The following PDE3A variants were observed in gnomAD, a reference collection of about 807,000 sequenced individuals.
PDE3A encodes the protein cGMP-inhibited 3',5'-cyclic phosphodiesterase 3A.
PDE3A carries 43 observed loss-of-function variants against 98.3 expected under a neutral mutation model. The observed-to-expected ratio is 0.44, with a 90% CI of 0.34 to 0.56. The LOEUF is 0.56. PDE3A is among the 20% of genes least tolerant of loss of function. PDE3A has a pLI of 0.01. For synonymous variants in PDE3A, 663 were observed against 567.9 expected, an observed-to-expected ratio of 1.17 and a Z score of -2.38; for missense variants, 1,427 against 1,440.7, an observed-to-expected ratio of 0.99 and a Z score of 0.15.
chr12:20,392,854 T>C (rs1006203373), intron 1 of PDE3A, among the ~76,000 whole-genome samples: 2 of 152,050 alleles, frequency 1.3e-5, no homozygotes, highest in African/African-American at 4.8e-5. Flanking sequence ...GAGGTCATTA[T>C]GTTAGGGAAA....
intron 5 of PDE3A, among the ~76,000 whole-genome samples, chr12:20,626,522 T>G (rs2121496942): frequency 6.6e-6 from 1 of 152,214 alleles, no homozygotes; most frequent in South Asian, 2.1e-4. Flanking sequence ...GTGAGATGGA[T>G]TCTTGCTCTG....
At chr12:20,487,501 TAAAAAAA>T (rs34671800) in intron 1 of PDE3A, among the ~76,000 whole-genome samples, 640 of 61,998 alleles carry the variant, frequency 0.01, 4 homozygotes, top group African/African-American at 0.039. Flanking sequence ...CTGTCTCTAC[TAAAAAAA>T]AAAAAAAAAA....
chr12:20,648,667 T>C (rs1335757065), intron 12 of PDE3A, 21 bp from the exon 13 acceptor site: 1 of 1,505,242 alleles, frequency 6.6e-7, no homozygotes, highest in African/African-American at 1.4e-5. Context: ...AGTTGAACTC[T>C]TAACTGTCTT....
chr12:20,377,384 AT>A (rs1943591223), intron 1 of PDE3A, among the ~76,000 whole-genome samples: 1 of 151,848 alleles, frequency 6.6e-6, no homozygotes, highest in African/African-American at 2.4e-5. Flanking sequence ...TGTAAAAAAA[AT>A]GAAATATTTT....
chr12:20,492,313 T>G (rs1310978174), intron 1 of PDE3A, among the ~76,000 whole-genome samples: 2 of 152,064 alleles, frequency 1.3e-5, no homozygotes, highest in African/African-American at 4.8e-5. Context: ...AAATGACACA[T>G]AGACCAGCAT....
chr12:20,548,755 T>G (rs1290685483), intron 1 of PDE3A, among the ~76,000 whole-genome samples: 2 of 152,144 alleles, frequency 1.3e-5, no homozygotes, highest in East Asian at 1.9e-4. Flanking sequence ...CCTCATTGTC[T>G]GTGGCCCATT....
At chr12:20,372,817 G>T (rs550014229) in intron 1 of PDE3A, among the ~76,000 whole-genome samples, 3 of 152,098 alleles carry the variant, frequency 2.0e-5, no homozygotes, top group South Asian at 2.1e-4. Context: ...GAACTTAAAC[G>T]CACAGTCTGT....
At chr12:20,506,306 T>G (rs1300663456) in intron 1 of PDE3A, among the ~76,000 whole-genome samples, 1 of 152,056 alleles carries the variant, frequency 6.6e-6, no homozygotes, top group Non-Finnish European at 1.5e-5. Context: ...AAAACAGGTG[T>G]TTTATATGTT....
chr12:20,478,866 A>AT (rs1173226830), intron 1 of PDE3A, among the ~76,000 whole-genome samples: 1 of 152,018 alleles, frequency 6.6e-6, no homozygotes, highest in African/African-American at 2.4e-5. Context: ...ATTTTGGCAC[A>AT]TTTTTTTGCC....
At chr12:20,668,848 A>T (rs1360214748) in intron 15 of PDE3A, among the ~76,000 whole-genome samples, 1 of 151,710 alleles carries the variant, frequency 6.6e-6, no homozygotes, top group Non-Finnish European at 1.5e-5. Context: ...AGCTAGATGG[A>T]GAATGACTTT....
At chr12:20,666,180 G>A (rs965915215) in intron 15 of PDE3A, among the ~76,000 whole-genome samples, 5 of 151,860 alleles carry the variant, frequency 3.3e-5, no homozygotes, top group African/African-American at 1.2e-4. Context: ...GGCCAGGCTG[G>A]TCTTAAACTC....
intron 2 of PDE3A, among the ~76,000 whole-genome samples, chr12:20,589,079 C>T (rs528568481): frequency 6.6e-6 from 1 of 151,864 alleles, no homozygotes; most frequent in Admixed American, 6.6e-5. Flanking sequence ...CCTGCCACCA[C>T]GCCCGGATAA....
chr12:20,477,034 G>C (rs368968429), intron 1 of PDE3A, among the ~76,000 whole-genome samples: 1 of 152,086 alleles, frequency 6.6e-6, no homozygotes, highest in Non-Finnish European at 1.5e-5. Context: ...CTATTTCGTG[G>C]TTTAGTATAG....
At chr12:20,459,482 T>C (rs1057355948) in intron 1 of PDE3A, among the ~76,000 whole-genome samples, 5 of 152,310 alleles carry the variant, frequency 3.3e-5, no homozygotes, top group Admixed American at 2.0e-4. Flanking sequence ...TTTTTGAGGT[T>C]ATTAGCATAA....
intron 1 of PDE3A, among the ~76,000 whole-genome samples, chr12:20,490,870 G>A (rs1269889003): frequency 6.6e-6 from 1 of 151,998 alleles, no homozygotes; most frequent in Non-Finnish European, 1.5e-5. Flanking sequence ...CAGTTATTTG[G>A]GAGGCCCAGG....
intron 1 of PDE3A, among the ~76,000 whole-genome samples, chr12:20,519,362 T>A (rs1307941157): frequency 6.6e-6 from 1 of 152,198 alleles, no homozygotes; most frequent in Non-Finnish European, 1.5e-5. Flanking sequence ...CAATGTCATA[T>A]TCACTTTTAT....
In PDE3A at chr12:20,369,898, T is replaced by TGCTGAG. The variant is rs1467980538; in HGVS notation, c.625_630dup (p.Arg209_Leu210dup). On this transcript the variant is annotated inframe_insertion, in exon 1 of 16. Coordinates refer to ENST00000359062, the MANE Select transcript of PDE3A (RefSeq NM_000921.5). ...TGCTTGGCCGCCGCGACATGGCTGG[T>TGCTGAG]GCTGAGGCTGAGGCTGGGCGTCCTC... 5 of 1,612,222 alleles carry TGCTGAG rather than the reference T, an allele frequency of 3.1e-6. No homozygotes were observed. Among genetic ancestry groups the TGCTGAG allele is most frequent in the Non-Finnish European group, 4.2e-6 (5 of 1,179,794 alleles).
chr12:20,393,840 A>G (rs150396928), intron 1 of PDE3A, among the ~76,000 whole-genome samples: 104 of 152,144 alleles, frequency 6.8e-4, no homozygotes, highest in African/African-American at 2.4e-3. Flanking sequence ...TGATTATCAC[A>G]TGGTAGGCTT....
chr12:20,664,033 C>A (rs1945245615), intron 15 of PDE3A, among the ~76,000 whole-genome samples: 1 of 151,978 alleles, frequency 6.6e-6, no homozygotes. Flanking sequence ...ATAATGAGTT[C>A]TTATGAGATC....
Sources: allele counts gnomAD v4.1 joint callset (sites outside exome capture counted in the v4.1 genomes callset), GRCh38; gene constraint gnomAD v4.1.1; transcripts MANE v1.5; gene names NCBI Gene and HGNC (gene_info 2026-07-23, HGNC 2026-07-21).